Variants in IARS1 observed in about 807,000 individuals in gnomAD.
IARS1 encodes isoleucine--tRNA ligase, cytoplasmic.
A neutral mutation model predicts 168.2 loss-of-function variants in IARS1; 124 were observed. The observed-to-expected ratio is 0.74, with a 90% CI of 0.64 to 0.86. The LOEUF (loss-of-function observed/expected upper bound fraction) is 0.86. Ranked by LOEUF, IARS1 falls within the 40% of genes least tolerant of loss-of-function variation. The pLI is 0.00. For missense variants in IARS1, 1,452 were observed against 1,515.8 expected, an observed-to-expected ratio of 0.96 and a Z score of 0.70; for synonymous variants, 532 against 529.4, an observed-to-expected ratio of 1.00 and a Z score of -0.07.
At chr9:92,264,266 C>T (rs769468934) in intron 16 of IARS1, among the ~76,000 whole-genome samples, 23 of 144,658 alleles carry the variant, frequency 1.6e-4, no homozygotes, top group Non-Finnish European at 3.2e-4. Flanking sequence ...ACCCAGGAGG[C>T]GAAGGGTGCA....
At chr9:92,250,582 G>T in intron 23 of IARS1, 131 bp downstream of exon 23, 2 of 1,035,460 alleles carry the variant, frequency 1.9e-6, no homozygotes, top group Non-Finnish European at 2.8e-6. Context: ...AGCCTGAGGA[G>T]TTCATGTCAG....
rs1832091534 is a variant in IARS1 at position 92,265,051 on chromosome 9, ACAGT to A, written c.1574_1577del (p.Asp525ValfsTer62). 6.2e-7 allele frequency: 1 copy of A among 1,614,000 alleles called. No individual in the cohort carries two copies. The highest frequency in any genetic ancestry group is 8.5e-7 in the Non-Finnish European group (1 of 1,180,032). On this transcript the variant is annotated frameshift_variant, in exon 16 of 34. Coordinates refer to ENST00000443024, the MANE Select transcript of IARS1 (RefSeq NM_002161.6). LOFTEE classifies it high-confidence loss of function. ...AGGGCATGCTGCCACTCTCAAACCA[ACAGT>A]CAAACACTTCAGAGATGCGGTGCAA...
Position 92,210,698 on chromosome 9 carries a change from C to T in IARS1, c.*109G>A, listed in dbSNP as rs1366759293. The stretch of plus-strand genomic sequence containing the variant: ...ATCCAAGCAGCATATTTTACACACA[C>T]CTGAAGGAAATATCTTCAGTGTGTT... On this transcript the variant is annotated 3_prime_UTR_variant, in exon 34 of 34. Transcript: ENST00000443024. 2 of 717,268 alleles carry T rather than the reference C, an allele frequency of 2.8e-6. No homozygotes were observed. The highest frequency in any genetic ancestry group is 1.7e-5 in the South Asian group (1 of 60,018). The allele number at this position is 717,268 out of a possible 1,614,324, so 44.4% of individuals were successfully genotyped here.
chr9:92,229,357 C>CCACACA (rs1826285188), intron 30 of IARS1, among the ~76,000 whole-genome samples: 5 of 79,956 alleles, frequency 6.3e-5, no homozygotes. Flanking sequence ...AATATATACA[C>CCACACA]TACACACACA....
chr9:92,259,057 T>C (rs1037092419), intron 18 of IARS1, 59 bp from the exon 19 acceptor site: 1 of 1,409,270 alleles, frequency 7.1e-7, no homozygotes, highest in Non-Finnish European at 9.6e-7. Flanking sequence ...CAATTATTAC[T>C]ACTCGACATA....
chr9:92,223,332 G>A lies in IARS1; in HGVS notation c.3553+14C>T, dbSNP rs752901332. On this transcript the variant is annotated intron_variant, in intron 32 of 33. Coordinates refer to ENST00000443024, the MANE Select transcript of IARS1 (RefSeq NM_002161.6). ...CAGCACCCCACAGTCTGCCTGCTGT[G>A]GGGAGGCACATACCTTGTGGCTTTG... 77 of 1,596,752 alleles carry A rather than the reference G, an allele frequency of 4.8e-5. No homozygotes were observed. The highest frequency in any genetic ancestry group is 5.6e-5 in the Non-Finnish European group (66 of 1,168,344).
At position 92,284,916 on chromosome 9, in the gene IARS1, G is replaced by A. The variant is rs150981130; in HGVS notation, c.597+806C>T. On this transcript the variant is annotated intron_variant, in intron 6 of 33. Coordinates refer to ENST00000443024, the MANE Select transcript of IARS1 (RefSeq NM_002161.6). ...AAAAAAATACAAACATGAGCACAGA[G>A]AGGTGGTAAGGAGATAATAGAAATC... is the stretch of plus-strand genomic sequence containing the variant. Among the ~76,000 whole-genome samples the A allele has an allele frequency of 9.8e-3, 1,486 of 152,314 alleles. 13 individuals carry two copies. The highest frequency in any genetic ancestry group is 0.016 in the Non-Finnish European group (1,114 of 68,030).
chr9:92,268,009 A>T (rs1832525513), intron 14 of IARS1, among the ~76,000 whole-genome samples, 165 bp downstream of exon 14: 1 of 152,248 alleles, frequency 6.6e-6, no homozygotes, highest in African/African-American at 2.4e-5. Flanking sequence ...AAACCCCAGA[A>T]ACAGATTATC....
intron 2 of IARS1, 45 bp downstream of exon 2, chr9:92,289,256 G>T: frequency 1.0e-5 from 6 of 584,936 alleles, no homozygotes; most frequent in Non-Finnish European, 1.8e-5. Flanking sequence ...TTCAGTCTAA[G>T]AAATGACTAT....
At chr9:92,272,864 CA>C (rs869076663) in intron 10 of IARS1, among the ~76,000 whole-genome samples, 8,730 of 57,118 alleles carry the variant, frequency 0.15, 191 homozygotes, top group South Asian at 0.24. Flanking sequence ...CAAAACAAAA[CA>C]AAAAAAAAAA....
chr9:92,228,000 G>A (rs1826031134), intron 31 of IARS1, among the ~76,000 whole-genome samples: 1 of 152,136 alleles, frequency 6.6e-6, no homozygotes, highest in Non-Finnish European at 1.5e-5. Context: ...GGAGATGGAG[G>A]TTGTAGCGAG....
intron 6 of IARS1, among the ~76,000 whole-genome samples, chr9:92,283,412 G>A (rs1834946582): frequency 6.6e-6 from 1 of 152,250 alleles, no homozygotes; most frequent in Admixed American, 6.5e-5. Flanking sequence ...GGGAGGCTGA[G>A]GCAGGTGGAT....
chr9:92,241,812 C>A (rs1307514597), intron 29 of IARS1, among the ~76,000 whole-genome samples: 1 of 152,146 alleles, frequency 6.6e-6, no homozygotes, highest in African/African-American at 2.4e-5. Flanking sequence ...AAATGTTTTT[C>A]AAGCCAATTG....
chr9:92,268,336 A>T (rs201765024), intron 13 of IARS1, 36 bp from the exon 14 acceptor site: 92 of 1,595,746 alleles, frequency 5.8e-5, no homozygotes, highest in Non-Finnish European at 7.7e-5. Flanking sequence ...ATCACATAAA[A>T]ATATGGAAAA....
In IARS1 at chr9:92,268,807, A is replaced by ATGCCTGCCCTCTGACACGCAGCC. The variant is rs370672174; in HGVS notation, c.1305-530_1305-508dup. On this transcript the variant is annotated intron_variant, in intron 13 of 33. Transcript: ENST00000443024. ...CCTTCTCACTTAACTGGCTTTGCCC[A>ATGCCTGCCCTCTGACACGCAGCC]TGCCTGCCCTCTGACACGCAGCCTG... Among the ~76,000 whole-genome samples the ATGCCTGCCCTCTGACACGCAGCC allele has an allele frequency of 6.0e-4, 91 of 152,238 alleles. 1 individual carries two copies. The Middle Eastern group carries it at 0.014, about 23-fold the overall frequency.
intron 11 of IARS1, 121 bp downstream of exon 11, chr9:92,271,412 T>G: frequency 8.0e-7 from 1 of 1,254,156 alleles, no homozygotes; most frequent in Non-Finnish European, 1.1e-6. Flanking sequence ...CTTTACGGAT[T>G]TCATGCGATG....
intron 30 of IARS1, among the ~76,000 whole-genome samples, chr9:92,234,052 C>T (rs759864157): frequency 4.6e-5 from 7 of 152,334 alleles, no homozygotes; most frequent in Non-Finnish European, 8.8e-5. Context: ...TGAACCACCA[C>T]GCCTGACCTA....
chr9:92,259,926 G>C (rs895052685), intron 18 of IARS1, among the ~76,000 whole-genome samples: 1 of 152,044 alleles, frequency 6.6e-6, no homozygotes, highest in African/African-American at 2.4e-5. Flanking sequence ...CCCAACACAG[G>C]TCCTCTTCCT....
At chr9:92,217,174 A>C (rs1315456309) in intron 33 of IARS1, among the ~76,000 whole-genome samples, 96 of 152,030 alleles carry the variant, frequency 6.3e-4, no homozygotes, top group South Asian at 3.6e-3. Context: ...TGAATGACTA[A>C]TGGGTACATA....
Sources: allele counts gnomAD v4.1 joint callset (sites outside exome capture counted in the v4.1 genomes callset), GRCh38; gene constraint gnomAD v4.1.1; transcripts MANE v1.5; gene names NCBI Gene and HGNC (gene_info 2026-07-23, HGNC 2026-07-21).